TAB2: variants seen among roughly 807,000 people sequenced by gnomAD.
The protein encoded by TAB2 is TGF-beta-activated kinase 1 and MAP3K7-binding protein 2.
TAB2 carries 3 observed loss-of-function variants against 65.0 expected under a neutral mutation model. The ratio of observed to expected loss-of-function variants is 0.05; its 90% CI spans 0.02 to 0.12. The LOEUF (loss-of-function observed/expected upper bound fraction) is 0.12. Among genes scored for constraint, TAB2 ranks in the 10% least tolerant of loss-of-function variants. The pLI, the probability that TAB2 is intolerant of heterozygous loss-of-function variation, is 1.00. For missense variants in TAB2, 623 were observed against 840.3 expected (o/e 0.74, Z 3.20); for synonymous variants, 298 against 285.1 (o/e 1.05, Z -0.46).
chr6:149,285,796 A>C (rs1583065032), intron 1 of TAB2, among the ~76,000 whole-genome samples: 2 of 152,278 alleles, frequency 1.3e-5, no homozygotes, highest in South Asian at 4.1e-4. Flanking sequence ...TCAGGCATGC[A>C]TCAGAAGCAC....
intron 1 of TAB2, among the ~76,000 whole-genome samples, chr6:149,328,574 G>A (rs564962910): frequency 2.0e-4 from 30 of 152,236 alleles, no homozygotes; most frequent in Admixed American, 6.5e-5. Context: ...TTACAGGCAC[G>A]AGCCACCGCA....
At chr6:149,386,976 T>C (rs1347530060) in intron 3 of TAB2, among the ~76,000 whole-genome samples, 1 of 152,220 alleles carries the variant, frequency 6.6e-6, no homozygotes, top group African/African-American at 2.4e-5. Flanking sequence ...TCTTTATTGT[T>C]AAGTTGTATG....
In TAB2 at chr6:149,397,601, C is replaced by T; in HGVS notation, c.1604-3C>T. Reference sequence around the variant, plus strand: ...TCCTCATGTTTACTAATGTGTGTTGCAGCTCTTTTGGTACACCAGAAGGCC... The same window carrying T: ...TCCTCATGTTTACTAATGTGTGTTGTAGCTCTTTTGGTACACCAGAAGGCC... On this transcript the variant is annotated splice_region_variant and splice_polypyrimidine_tract_variant and intron_variant, in intron 3 of 6. Coordinates refer to ENST00000637181, the MANE Select transcript of TAB2 (RefSeq NM_001292034.3). The T allele has an allele frequency of 6.2e-7, 1 of 1,613,912 alleles. No individual in the cohort carries two copies. The highest frequency in any genetic ancestry group is 8.5e-7 in the Non-Finnish European group (1 of 1,179,928).
intron 1 of TAB2, among the ~76,000 whole-genome samples, chr6:149,262,687 C>T (rs1016880120): frequency 1.3e-5 from 2 of 152,214 alleles, no homozygotes; most frequent in Non-Finnish European, 2.9e-5. Context: ...AGCAAATCCA[C>T]ATCACATCCA....
intron 1 of TAB2, among the ~76,000 whole-genome samples, chr6:149,354,532 G>T (rs893737148): frequency 6.6e-6 from 1 of 151,964 alleles, no homozygotes; most frequent in Non-Finnish European, 1.5e-5. Flanking sequence ...AAATAAAATA[G>T]GTTTTTAAAA....
Position 149,378,234 on chromosome 6 carries a change from A to G in TAB2, c.319A>G (p.Ile107Val). The change falls in exon 3 of 7, where the codon ATT becomes GTT. Residue 107 changes from isoleucine to valine, a missense_variant. Physicochemically the swap from Ile to Val is conservative, Grantham distance 29. Transcript: ENST00000637181. ...MNGSRTLTHSISDGQLQGGQS... is the reference protein window; with the variant it reads ...MNGSRTLTHSVSDGQLQGGQS... ...TGGAAGTAGGACTCTAACGCACAGCATTAGTGATGGACAACTTCAAGGTGG... is the reference window on the plus strand; with the variant it reads ...TGGAAGTAGGACTCTAACGCACAGCGTTAGTGATGGACAACTTCAAGGTGG... 1 of 1,614,054 alleles carries G rather than the reference A, an allele frequency of 6.2e-7. No individual in the cohort carries two copies. Among genetic ancestry groups the G allele is most frequent in the Non-Finnish European group, 8.5e-7 (1 of 1,179,864 alleles).
chr6:149,378,743 A>G lies in TAB2; in HGVS notation c.828A>G (p.Gln276=), dbSNP rs780313015. ...CCTCATCTCAACAGCCAAATCAGCAAGGCCACCAGACCTCTCATGTCTACA... is the reference window on the plus strand; with the variant it reads ...CCTCATCTCAACAGCCAAATCAGCAGGGCCACCAGACCTCTCATGTCTACA... ...SHTSSQQPNQ[Q]GHQTSHVYMP... is the part of the protein sequence containing the mutation. Residue 276 remains glutamine, a synonymous_variant, in exon 3 of 7, where the codon CAA becomes CAG. Coordinates refer to ENST00000637181, the MANE Select transcript of TAB2 (RefSeq NM_001292034.3). The G allele has an allele frequency of 2.5e-6, 4 of 1,614,006 alleles. No individual in the cohort carries two copies. Among genetic ancestry groups the G allele is most frequent in the Admixed American group, 1.7e-5 (1 of 59,984 alleles).
chr6:149,261,249 A>G (rs1162951325), intron 1 of TAB2, among the ~76,000 whole-genome samples: 1 of 152,216 alleles, frequency 6.6e-6, no homozygotes, highest in East Asian at 1.9e-4. Context: ...CACATCCAAC[A>G]TCTCTTCTAT....
chr6:149,253,958 A>AAGAAAGAAAAAG, intron 1 of TAB2, among the ~76,000 whole-genome samples: 1 of 76,368 alleles, frequency 1.3e-5, no homozygotes, highest in South Asian at 4.6e-4. Context: ...GAAAGAAAGA[A>AAGAAAGAAAAAG]AAAGAAAGAA....
Position 149,377,095 on chromosome 6 carries a change from A to T in TAB2, c.103-923A>T, listed in dbSNP as rs1781425695. On this transcript the variant is annotated intron_variant, in intron 2 of 6. Transcript: ENST00000637181. ...ATTTTTTTTTTTTTTTTTGAGACAG[A>T]GTCTCGCTCTGTCACCCAGGCTGGA... Among the ~76,000 whole-genome samples, 3 of 146,580 alleles carry T rather than the reference A, an allele frequency of 2.0e-5. No individual in the cohort carries two copies. In the South Asian group the frequency reaches 6.5e-4, roughly 32 times the overall value.
upstream of TAB2, among the ~76,000 whole-genome samples, chr6:149,315,936 T>A (rs903598344): frequency 2.0e-5 from 3 of 152,216 alleles, no homozygotes; most frequent in Non-Finnish European, 4.4e-5. Flanking sequence ...TTCCATAAAT[T>A]TTTTTAAAAA....
intron 1 of TAB2, among the ~76,000 whole-genome samples, chr6:149,292,990 T>A (rs1226638070): frequency 1.3e-5 from 2 of 152,228 alleles, no homozygotes; most frequent in Non-Finnish European, 2.9e-5. Flanking sequence ...GTATCTTCAC[T>A]AGTTTTCCTG....
At chr6:149,224,277 A>G (rs1276077646) in intron 1 of TAB2, among the ~76,000 whole-genome samples, 1 of 152,230 alleles carries the variant, frequency 6.6e-6, no homozygotes, top group Non-Finnish European at 1.5e-5. Flanking sequence ...TTTAAGTATT[A>G]TCTTACAATA....
At chr6:149,399,264 C>G in intron 6 of TAB2, 80 bp downstream of exon 6, 1 of 1,041,036 alleles carries the variant, frequency 9.6e-7, no homozygotes, top group Non-Finnish European at 1.5e-6. Context: ...CAGCAACCTT[C>G]CTCTCTAGAA....
At chr6:149,299,744 C>G (rs1328242718) in intron 1 of TAB2, among the ~76,000 whole-genome samples, 1 of 152,184 alleles carries the variant, frequency 6.6e-6, no homozygotes, top group Non-Finnish European at 1.5e-5. Context: ...AGGGGCAGGG[C>G]TCACACCTGT....
At chr6:149,260,945 C>T (rs1778141942) in intron 1 of TAB2, among the ~76,000 whole-genome samples, 1 of 152,138 alleles carries the variant, frequency 6.6e-6, no homozygotes, top group African/African-American at 2.4e-5. Flanking sequence ...CCCTGAAATA[C>T]TTAAAATTAA....
At chr6:149,241,280 T>C (rs1583039955) in intron 1 of TAB2, among the ~76,000 whole-genome samples, 1 of 152,200 alleles carries the variant, frequency 6.6e-6, no homozygotes, top group South Asian at 2.1e-4. Flanking sequence ...TTGGGCTCAG[T>C]TTAATAGTTA....
intron 1 of TAB2, among the ~76,000 whole-genome samples, chr6:149,338,758 A>G (rs1346977763): frequency 2.0e-5 from 3 of 152,214 alleles, no homozygotes; most frequent in African/African-American, 7.2e-5. Context: ...TATCGATTGG[A>G]AAGGTGTGCC....
intron 6 of TAB2, among the ~76,000 whole-genome samples, chr6:149,409,058 T>C (rs906651343): frequency 6.6e-6 from 1 of 152,202 alleles, no homozygotes; most frequent in African/African-American, 2.4e-5. Flanking sequence ...CCAGAGTCTG[T>C]GGATAAGACG....
Sources: gnomAD v4.1 joint callset for allele counts (sites outside exome capture counted in the v4.1 genomes callset) on GRCh38, gnomAD v4.1.1 for gene constraint, MANE v1.5 for transcripts, NCBI Gene and HGNC (gene_info 2026-07-23, HGNC 2026-07-21) for gene names.